Variants in SCHIP1 observed in about 807,000 individuals in gnomAD.
SCHIP1 encodes the protein schwannomin interacting protein 1, also known as schwannomin-interacting protein 1.
A neutral mutation model predicts 29.7 loss-of-function variants in SCHIP1; 8 were observed. The ratio of observed to expected loss-of-function variants is 0.27; its 90% CI spans 0.16 to 0.49. The LOEUF (loss-of-function observed/expected upper bound fraction) is 0.49. SCHIP1 is among the 20% of genes least tolerant of loss of function. SCHIP1 has a pLI of 0.99. For missense variants in SCHIP1, 193 were observed against 294.6 expected (o/e 0.66, Z 2.52); for synonymous variants, 76 against 94.9 (o/e 0.80, Z 1.16).
chr3:159,751,194 G>A, the SCHIP1 span, among the ~76,000 whole-genome samples: 2 of 152,104 alleles, frequency 1.3e-5, no homozygotes, highest in Non-Finnish European at 2.9e-5. Context: ...GCATACTGTG[G>A]CCAGTGGGCC....
chr3:159,563,179 A>G, the SCHIP1 span, among the ~76,000 whole-genome samples: 4 of 152,308 alleles, frequency 2.6e-5, no homozygotes, highest in East Asian at 5.8e-4. Flanking sequence ...GGAAGCATAC[A>G]AAGCTTGAAG....
chr3:159,559,006 G>T, the SCHIP1 span, among the ~76,000 whole-genome samples: 7,007 of 152,140 alleles, frequency 0.046, 208 homozygotes, highest in Middle Eastern at 0.11. Context: ...TTTTAAAAAA[G>T]AATCAAAATC....
At chr3:159,277,385 G>T in the SCHIP1 span, among the ~76,000 whole-genome samples, 1 of 152,124 alleles carries the variant, frequency 6.6e-6, no homozygotes, top group East Asian at 1.9e-4. Flanking sequence ...ATTTGCTTAT[G>T]TTTCATTTTT....
chr3:159,721,840 T>C, the SCHIP1 span: 1 of 392,784 alleles, frequency 2.5e-6, no homozygotes, highest in South Asian at 2.2e-5. Flanking sequence ...ATTTTAGCAT[T>C]GATGCTGAGG....
At chr3:159,760,579 A>C in the SCHIP1 span, among the ~76,000 whole-genome samples, 3 of 152,212 alleles carry the variant, frequency 2.0e-5, no homozygotes, top group African/African-American at 7.2e-5. Context: ...CGAGGATTAT[A>C]TGAATTAGAT....
At chr3:159,273,819 C>T in the SCHIP1 span, 4 of 1,613,402 alleles carry the variant, frequency 2.5e-6, no homozygotes, top group Non-Finnish European at 3.4e-6. Context: ...CTCTTCAGCA[C>T]CATGGAGAGG....
chr3:159,342,824 A>T, the SCHIP1 span, among the ~76,000 whole-genome samples: 1 of 152,228 alleles, frequency 6.6e-6, no homozygotes, highest in Non-Finnish European at 1.5e-5. Flanking sequence ...AATTCAAGAC[A>T]TAATTATTTG....
chr3:159,490,272 C>G, the SCHIP1 span, among the ~76,000 whole-genome samples: 588 of 152,186 alleles, frequency 3.9e-3, 3 homozygotes, highest in African/African-American at 0.013. Context: ...TTGAAATGTT[C>G]AAGGCATTGT....
At chr3:159,558,722 G>C in the SCHIP1 span, among the ~76,000 whole-genome samples, 1 of 152,128 alleles carries the variant, frequency 6.6e-6, no homozygotes, top group Admixed American at 6.5e-5. Context: ...CAAGCTCCTT[G>C]ACTCCACAAA....
the SCHIP1 span, among the ~76,000 whole-genome samples, chr3:159,356,715 T>A: frequency 6.6e-6 from 1 of 152,188 alleles, no homozygotes. Flanking sequence ...GATGCCTAAT[T>A]TACTCTCTTA....
At chr3:159,634,168 T>C in the SCHIP1 span, among the ~76,000 whole-genome samples, 77 of 152,216 alleles carry the variant, frequency 5.1e-4, 1 homozygote, top group African/African-American at 1.8e-3. Context: ...ATGTGTTACA[T>C]AAGCAATAGT....
At chr3:159,679,047 G>A in the SCHIP1 span, among the ~76,000 whole-genome samples, 69 of 152,270 alleles carry the variant, frequency 4.5e-4, no homozygotes, top group African/African-American at 1.7e-3. Flanking sequence ...ATTGAATAAT[G>A]CCCAAAGGAT....
At chr3:159,669,708 T>C in the SCHIP1 span, among the ~76,000 whole-genome samples, 13 of 152,334 alleles carry the variant, frequency 8.5e-5, no homozygotes, top group South Asian at 2.7e-3. Flanking sequence ...TAGCAAAACT[T>C]TCCTAGATGG....
At chr3:159,855,510 G>C in intron 1 of SCHIP1, among the ~76,000 whole-genome samples, 1 of 152,068 alleles carries the variant, frequency 6.6e-6, no homozygotes, top group East Asian at 1.9e-4. Flanking sequence ...TCATCAGTAA[G>C]ATGGTTTTGA....
chr3:159,699,306 T>C, the SCHIP1 span, among the ~76,000 whole-genome samples: 1 of 152,226 alleles, frequency 6.6e-6, no homozygotes, highest in East Asian at 1.9e-4. Context: ...GACTTGTATA[T>C]GTTAGTAACT....
the SCHIP1 span, among the ~76,000 whole-genome samples, chr3:159,528,742 T>C: frequency 6.6e-6 from 1 of 152,188 alleles, no homozygotes; most frequent in Non-Finnish European, 1.5e-5. Context: ...CGAAACATAA[T>C]GGCAAAAGGA....
chr3:159,692,932 G>A, the SCHIP1 span, among the ~76,000 whole-genome samples: 7 of 152,158 alleles, frequency 4.6e-5, no homozygotes, highest in African/African-American at 1.7e-4. Context: ...GATTTCATCA[G>A]TTCATAGGTT....
At chr3:159,288,501 G>T in the SCHIP1 span, among the ~76,000 whole-genome samples, 3 of 152,144 alleles carry the variant, frequency 2.0e-5, no homozygotes, top group Non-Finnish European at 2.9e-5. Flanking sequence ...ACTTTGGGAG[G>T]CCGGGGCGGG....
At chr3:159,724,942 G>A in the SCHIP1 span, among the ~76,000 whole-genome samples, 1 of 152,184 alleles carries the variant, frequency 6.6e-6, no homozygotes, top group Non-Finnish European at 1.5e-5. Flanking sequence ...TGCATTTTAA[G>A]AGTTTGATTT....
Sources: allele counts gnomAD v4.1 joint callset (sites outside exome capture counted in the v4.1 genomes callset), GRCh38; gene constraint gnomAD v4.1.1; transcripts MANE v1.5; gene names NCBI Gene and HGNC (gene_info 2026-07-23, HGNC 2026-07-21).